ELK3: variants seen among roughly 807,000 people sequenced by gnomAD.
ELK3 encodes ETS transcription factor ELK3, also known as ETS domain-containing protein Elk-3.
ELK3 carries 10 observed loss-of-function variants against 28.9 expected under a neutral mutation model. The observed-to-expected ratio is 0.35, with a 90% CI of 0.21 to 0.59. ELK3 has a LOEUF of 0.59. ELK3 is among the 20% of genes least tolerant of loss of function. The probability of loss-of-function intolerance (pLI) is 0.82; values close to 1 mark genes in which losing one functional copy is unlikely to be tolerated. For missense variants in ELK3, 463 were observed against 517.3 expected (o/e 0.90, Z 1.02); for synonymous variants, 272 against 243.5 (o/e 1.12, Z -1.09).
At chr12:96,210,561 G>GCACACACACACACACA (rs368183390) in intron 1 of ELK3, among the ~76,000 whole-genome samples, 164 of 144,836 alleles carry the variant, frequency 1.1e-3, no homozygotes, top group East Asian at 6.4e-3. Flanking sequence ...GCGCGCGGGC[G>GCACACACACACACACA]CACGCACACA....
intron 2 of ELK3, among the ~76,000 whole-genome samples, chr12:96,236,427 G>A (rs947600246): frequency 2.6e-5 from 4 of 152,172 alleles, no homozygotes; most frequent in African/African-American, 9.7e-5. Flanking sequence ...GATAGTTCAC[G>A]CTGCAGTTTA....
In ELK3 at chr12:96,216,697, T is replaced by C. The variant is rs144731538; in HGVS notation, c.-2-6868T>C. On this transcript the variant is annotated intron_variant, in intron 1 of 4. Transcript: ENST00000228741. Reference sequence around the variant, plus strand: ...TAGTTAACATTTAAATAGCACTTACTTTGCCCCAGGTGTAGTTTAAGTGCA... The same window carrying C: ...TAGTTAACATTTAAATAGCACTTACCTTGCCCCAGGTGTAGTTTAAGTGCA... Among the ~76,000 whole-genome samples the C allele has an allele frequency of 5.8e-3, 887 of 152,342 alleles. 5 individuals carry two copies. Among genetic ancestry groups the C allele is most frequent in the Non-Finnish European group, 9.4e-3 (642 of 68,020 alleles).
At chr12:96,220,133 C>T (rs904622502) in intron 1 of ELK3, among the ~76,000 whole-genome samples, 3 of 152,208 alleles carry the variant, frequency 2.0e-5, no homozygotes, top group South Asian at 4.1e-4. Flanking sequence ...CTTCTCTAGG[C>T]GAGTTCCTTT....
intron 2 of ELK3, among the ~76,000 whole-genome samples, chr12:96,232,469 G>C (rs1192976959): frequency 6.6e-6 from 1 of 151,974 alleles, no homozygotes; most frequent in Non-Finnish European, 1.5e-5. Context: ...TACTCGGGAG[G>C]CTGAGGCAGG....
chr12:96,265,051 C>T (rs1296799992), intron 4 of ELK3, among the ~76,000 whole-genome samples: 2 of 151,980 alleles, frequency 1.3e-5, no homozygotes, highest in Non-Finnish European at 2.9e-5. Context: ...GGAAGAAGGG[C>T]GAGTTTTGTG....
intron 3 of ELK3, among the ~76,000 whole-genome samples, chr12:96,250,236 G>A (rs1213838597): frequency 6.6e-6 from 1 of 152,226 alleles, no homozygotes; most frequent in African/African-American, 2.4e-5. Context: ...CACATTCCCA[G>A]AGTGTGGGCT....
chr12:96,216,906 G>A lies in ELK3; in HGVS notation c.-2-6659G>A, dbSNP rs527826527. Among the ~76,000 whole-genome samples, 360 of 152,314 alleles carry A rather than the reference G, an allele frequency of 2.4e-3. 4 individuals carry two copies. Among genetic ancestry groups the A allele is most frequent in the African/African-American group, 8.2e-3 (341 of 41,566 alleles). Reference sequence around the variant, plus strand: ...CAGAGAGTCAGGTGCCAGAATCTGCGCTTACCTTCCAAATAGACAAAAGTG... The same window carrying A: ...CAGAGAGTCAGGTGCCAGAATCTGCACTTACCTTCCAAATAGACAAAAGTG... On this transcript the variant is annotated intron_variant, in intron 1 of 4. Transcript: ENST00000228741.
intron 2 of ELK3, among the ~76,000 whole-genome samples, chr12:96,238,573 C>T (rs1222077917): frequency 6.6e-6 from 1 of 152,190 alleles, no homozygotes; most frequent in East Asian, 1.9e-4. Flanking sequence ...CTGTTGTTTT[C>T]CTGTCACCCT....
At chr12:96,215,730 G>A (rs1951610936) in intron 1 of ELK3, among the ~76,000 whole-genome samples, 1 of 150,206 alleles carries the variant, frequency 6.7e-6, no homozygotes. Context: ...CTACTTCCCA[G>A]GCTTAGGCGA....
intron 4 of ELK3, among the ~76,000 whole-genome samples, chr12:96,266,017 G>A (rs1405813576): frequency 2.0e-5 from 3 of 152,172 alleles, no homozygotes; most frequent in Non-Finnish European, 2.9e-5. Context: ...CTTATTAGCT[G>A]TGTGACCTTT....
In ELK3 at chr12:96,247,383, C is replaced by A. The variant is rs140155479; in HGVS notation, c.651C>A (p.Ser217=). Residue 217 remains serine, a synonymous_variant, in exon 3 of 5, where the codon TCC becomes TCA. Coordinates refer to ENST00000228741, the MANE Select transcript of ELK3 (RefSeq NM_005230.4). This position sits in a 1 kb window ranked among gnomAD's most constrained non-coding sequence, Gnocchi z 5.5. ...AAAASAFLAS[S]VSAKISSLML... is the part of the protein sequence containing the mutation. ...CGGCGTCCGCCTTCCTGGCCTCGTC[C>A]GTCTCGGCCAAGATCTCCTCTTTAA... The A allele has an allele frequency of 6.2e-7, 1 of 1,614,170 alleles. No homozygotes were observed. The highest frequency in any genetic ancestry group is 1.7e-5 in the Admixed American group (1 of 60,036).
At chr12:96,263,373 T>C (rs1210199132) in intron 4 of ELK3, among the ~76,000 whole-genome samples, 1 of 152,216 alleles carries the variant, frequency 6.6e-6, no homozygotes, top group Non-Finnish European at 1.5e-5. Context: ...AGTTTATTAT[T>C]TTCTTCTTGT....
chr12:96,205,149 AC>A (rs1309944652), intron 1 of ELK3, among the ~76,000 whole-genome samples: 1 of 152,252 alleles, frequency 6.6e-6, no homozygotes, highest in Non-Finnish European at 1.5e-5. Context: ...AACCGTCTCC[AC>A]CCTTGAAGAA....
In ELK3 at chr12:96,223,725, T is replaced by C. The variant is rs772840752; in HGVS notation, c.159T>C (p.Asn53=). The C allele has an allele frequency of 3.7e-6, 6 of 1,613,926 alleles. No homozygotes were observed. The South Asian group carries it at 4.4e-5, about 12-fold the overall frequency. ...GGGGACTCCGAAAAAACAAAACAAA[T>C]ATGAACTATGATAAGCTGAGCAGAG... ...KLWGLRKNKT[N]MNYDKLSRAL... Residue 53 remains asparagine (N), a synonymous_variant, in exon 2 of 5, where the codon AAT becomes AAC. Coordinates refer to ENST00000228741, the MANE Select transcript of ELK3 (RefSeq NM_005230.4).
chr12:96,249,245 G>C (rs543330919), intron 3 of ELK3, among the ~76,000 whole-genome samples: 2 of 152,228 alleles, frequency 1.3e-5, no homozygotes, highest in African/African-American at 2.4e-5. Context: ...CGAGAAGGCA[G>C]TGTCCCTGAT....
chr12:96,220,932 G>T (rs374740301), intron 1 of ELK3, among the ~76,000 whole-genome samples: 2 of 152,164 alleles, frequency 1.3e-5, no homozygotes, highest in African/African-American at 4.8e-5. Context: ...CGGACTTTGG[G>T]TTGAGTTCAG....
chr12:96,197,933 A>G (rs1592665961), intron 1 of ELK3: 1 of 152,330 alleles, frequency 6.6e-6, no homozygotes, highest in South Asian at 2.1e-4. Flanking sequence ...CAGGCAGTGT[A>G]TGTAAATTAA....
At chr12:96,229,392 T>A (rs1366988909) in intron 2 of ELK3, among the ~76,000 whole-genome samples, 2 of 152,168 alleles carry the variant, frequency 1.3e-5, no homozygotes, top group African/African-American at 4.8e-5. Flanking sequence ...TCAGGTGGAC[T>A]CTTTCTTGGC....
chr12:96,206,921 A>C (rs191275165), intron 1 of ELK3, among the ~76,000 whole-genome samples: 12 of 152,316 alleles, frequency 7.9e-5, no homozygotes, highest in Admixed American at 3.9e-4. Flanking sequence ...CCTCGATGAC[A>C]GTTTTAATGT....
Sources: gnomAD v4.1 joint callset for allele counts (sites outside exome capture counted in the v4.1 genomes callset) on GRCh38, gnomAD v4.1.1 for gene constraint, Gnocchi (gnomAD v3.1) non-coding constraint, MANE v1.5 for transcripts, NCBI Gene and HGNC (gene_info 2026-07-23, HGNC 2026-07-21) for gene names.